The following CDHR3 variants were observed in gnomAD, a reference collection of about 807,000 sequenced individuals.
CDHR3 encodes cadherin-related family member 3.
In CDHR3, 79 loss-of-function variants were observed where a neutral mutation model predicts 86.6. The ratio of observed to expected loss-of-function variants is 0.91; its 90% CI spans 0.76 to 1.10. The LOEUF (loss-of-function observed/expected upper bound fraction) is 1.10, where lower values mean the gene tolerates loss of function less well. Among genes scored for constraint, CDHR3 ranks in the 50% least tolerant of loss-of-function variants. CDHR3 has a pLI of 0.00. For synonymous variants in CDHR3, 421 were observed against 402.4 expected, an observed-to-expected ratio of 1.05 and a Z score of -0.55; for missense variants, 1,081 against 1,077.6, an observed-to-expected ratio of 1.00 and a Z score of -0.04.
intron 14 of CDHR3, among the ~76,000 whole-genome samples, chr7:106,023,433 C>T (rs544037537): frequency 3.7e-4 from 56 of 152,264 alleles, no homozygotes; most frequent in Admixed American, 1.0e-3. Context: ...ACAGAATTGG[C>T]CTGGAGAAGG....
chr7:106,015,056 C>A lies in CDHR3; in HGVS notation c.1225-55C>A, dbSNP rs1024956272. ...CAGTATATGAAAATGTCTCTCGCAG[C>A]CCAATAAATAGGATTGTTTAATCTG... is the stretch of plus-strand genomic sequence containing the variant. On this transcript the variant is annotated intron_variant, in intron 9 of 18. Coordinates refer to ENST00000317716, the MANE Select transcript of CDHR3 (RefSeq NM_152750.5). 2.2e-5 allele frequency: 30 copies of A among 1,394,334 alleles called. 2 individuals are homozygous for A. In the South Asian group the frequency reaches 3.7e-4, roughly 17 times the overall value. 86.4% of individuals were successfully genotyped at this position (1,394,334 alleles called of 1,614,324 possible).
At chr7:106,003,564 G>A (rs1048103831) in intron 7 of CDHR3, among the ~76,000 whole-genome samples, 1 of 152,130 alleles carries the variant, frequency 6.6e-6, no homozygotes, top group East Asian at 1.9e-4. Context: ...TTTGTTCAAG[G>A]TCTTACAGCT....
At chr7:106,028,716 A>T (rs1447674622) in intron 17 of CDHR3, 134 bp downstream of exon 17, 1 of 869,256 alleles carries the variant, frequency 1.2e-6, no homozygotes, top group Non-Finnish European at 1.8e-6. Context: ...TGGCTACTGG[A>T]ACAGATTGCT....
rs977319094 is a variant in CDHR3 at position 106,030,691 on chromosome 7, A to G, written c.2305-101A>G. 5 of 1,080,598 alleles carry G rather than the reference A, an allele frequency of 4.6e-6. No individual in the cohort carries two copies. Among genetic ancestry groups the G allele is most frequent in the Middle Eastern group, 4.0e-4 (2 of 5,010 alleles). 66.9% of individuals were successfully genotyped at this position (1,080,598 alleles called of 1,614,324 possible). On this transcript the variant is annotated intron_variant, in intron 17 of 18. Coordinates refer to ENST00000317716, the MANE Select transcript of CDHR3 (RefSeq NM_152750.5). This position sits in a 1 kb window ranked among gnomAD's most constrained non-coding sequence, Gnocchi z 4.8. The stretch of plus-strand genomic sequence containing the variant: ...TGCCTAATTAAAGACTTAGAAGTCA[A>G]GAAGGCTTTGGTTAAGGAACTTGGG...
At chr7:105,971,041 T>G (rs1827873833) in intron 1 of CDHR3, among the ~76,000 whole-genome samples, 1 of 151,140 alleles carries the variant, frequency 6.6e-6, no homozygotes, top group African/African-American at 2.4e-5. Flanking sequence ...CTCAGGAGGC[T>G]GAGGCAGGAG....
chr7:105,974,863 A>T lies in CDHR3; in HGVS notation c.66A>T (p.Leu22=), dbSNP rs1472059800. The T allele has an allele frequency of 6.2e-7, 1 of 1,613,364 alleles. No homozygotes were observed. The highest frequency in any genetic ancestry group is 1.3e-5 in the African/African-American group (1 of 74,916). Residue 22 remains leucine (L), a synonymous_variant, in exon 2 of 19, where the codon CTA becomes CTT. Coordinates refer to ENST00000317716, the MANE Select transcript of CDHR3 (RefSeq NM_152750.5). The part of the protein sequence containing the change: ...GAMSGGEALH[L]ILLPATGNVA... ...CCACAGGGGGAGAAGCACTACACCT[A>T]ATCCTCTTACCTGCTACAGGCAATG... is the stretch of plus-strand genomic sequence containing the variant.
chr7:106,031,723 A>G lies in CDHR3; in HGVS notation c.2354-670A>G, dbSNP rs188586726. ...GACAAGGAGCAAGGGCTTGCCTTAA[A>G]CCTGATCTTCCAGAGCAAAAGGCTC... On this transcript the variant is annotated intron_variant, in intron 18 of 18. Coordinates refer to ENST00000317716, the MANE Select transcript of CDHR3 (RefSeq NM_152750.5). Among the ~76,000 whole-genome samples the G allele has an allele frequency of 2.0e-5, 3 of 152,220 alleles. No homozygotes were observed. In the East Asian group the frequency reaches 5.8e-4, roughly 29 times the overall value.
chr7:105,994,641 G>A (rs561172135), intron 4 of CDHR3, 110 bp from the exon 5 acceptor site: 188 of 772,918 alleles, frequency 2.4e-4, no homozygotes, highest in East Asian at 6.5e-4. Flanking sequence ...CTGATGCATC[G>A]AGAACGTTCC....
At chr7:105,993,272 C>T (rs749746829) in intron 4 of CDHR3, among the ~76,000 whole-genome samples, 8 of 152,190 alleles carry the variant, frequency 5.3e-5, no homozygotes, top group African/African-American at 1.4e-4. Flanking sequence ...TCATATTTTA[C>T]GGCACGCATT....
intron 1 of CDHR3, among the ~76,000 whole-genome samples, chr7:105,969,464 T>C (rs1237410260): frequency 6.6e-6 from 1 of 152,068 alleles, no homozygotes; most frequent in African/African-American, 2.4e-5. Context: ...CTGAATGGTT[T>C]GTAGCAGCTT....
intron 9 of CDHR3, among the ~76,000 whole-genome samples, chr7:106,013,491 C>T (rs1681836576): frequency 6.6e-6 from 1 of 152,186 alleles, no homozygotes; most frequent in African/African-American, 2.4e-5. Context: ...AGGAAGCCCC[C>T]TCCCTGGCAA....
At chr7:105,972,130 C>A (rs987314330) in intron 1 of CDHR3, among the ~76,000 whole-genome samples, 6 of 151,996 alleles carry the variant, frequency 3.9e-5, no homozygotes, top group Non-Finnish European at 1.5e-5. Context: ...ATGGTGACAG[C>A]AGTATAATCT....
At position 106,022,552 on chromosome 7, in the gene CDHR3, G is replaced by C. The variant is rs1444984076; in HGVS notation, c.2076+104G>C. 3.4e-6 allele frequency: 5 copies of C among 1,488,132 alleles called. No individual in the cohort carries two copies. The East Asian group carries it at 1.1e-4, about 34-fold the overall frequency. 92.2% of individuals were successfully genotyped at this position (1,488,132 alleles called of 1,614,324 possible). A position where few individuals can be genotyped will look rare whatever the true frequency, so the allele number is the denominator to read the frequency against. ...GGTATGTGGGGTGGACTGAAGAGTT[G>C]AGGTATTAGGATGTTGCCAAAAATG... is the stretch of plus-strand genomic sequence containing the variant. On this transcript the variant is annotated intron_variant, in intron 14 of 18. Transcript: ENST00000317716.
At chr7:105,994,660 A>T in intron 4 of CDHR3, 91 bp from the exon 5 acceptor site, 1 of 889,934 alleles carries the variant, frequency 1.1e-6, no homozygotes, top group South Asian at 1.4e-5. Flanking sequence ...CCATGGGCTA[A>T]GAACATAAAA....
At chr7:105,967,028 A>G (rs562576993) in intron 1 of CDHR3, among the ~76,000 whole-genome samples, 39 of 152,116 alleles carry the variant, frequency 2.6e-4, no homozygotes, top group Non-Finnish European at 4.9e-4. Context: ...ATATGTATAC[A>G]TGTGCCATGT....
chr7:105,978,707 G>T (rs1301506114), intron 2 of CDHR3, among the ~76,000 whole-genome samples: 1 of 152,174 alleles, frequency 6.6e-6, no homozygotes, highest in Non-Finnish European at 1.5e-5. Flanking sequence ...CTCAATAAAT[G>T]CTGGTAACAA....
At chr7:106,013,083 A>G in intron 9 of CDHR3, 52 bp downstream of exon 9, 2 of 1,485,094 alleles carry the variant, frequency 1.3e-6, no homozygotes, top group Non-Finnish European at 1.8e-6. Flanking sequence ...TTGGTCCAAC[A>G]TGCATCATGC....
At chr7:105,995,479 A>C (rs560265822) in intron 5 of CDHR3, among the ~76,000 whole-genome samples, 2 of 152,252 alleles carry the variant, frequency 1.3e-5, no homozygotes, top group South Asian at 2.1e-4. Context: ...TGCAAGGAAG[A>C]GTCTTTGATT....
At chr7:106,003,669 T>A (rs2115798080) in intron 7 of CDHR3, among the ~76,000 whole-genome samples, 1 of 152,284 alleles carries the variant, frequency 6.6e-6, no homozygotes. Context: ...TTATAAGTCC[T>A]GATTGCATCA....
Sources: gnomAD v4.1 joint callset for allele counts (sites outside exome capture counted in the v4.1 genomes callset) on GRCh38, gnomAD v4.1.1 for gene constraint, Gnocchi (gnomAD v3.1) non-coding constraint, MANE v1.5 for transcripts, NCBI Gene and HGNC (gene_info 2026-07-23, HGNC 2026-07-21) for gene names.